UBAC1: variants seen among roughly 807,000 people sequenced by gnomAD.
UBAC1 encodes the protein ubiquitin-associated domain-containing protein 1.
A neutral mutation model predicts 45.9 loss-of-function variants in UBAC1; 27 were observed. The ratio of observed to expected loss-of-function variants is 0.59; its 90% confidence interval spans 0.43 to 0.81. The LOEUF (loss-of-function observed/expected upper bound fraction) is 0.81. Ranked by LOEUF, UBAC1 falls within the 30% of genes least tolerant of loss-of-function variation. The probability of loss-of-function intolerance (pLI) is 0.00; values close to 1 mark genes in which losing one functional copy is unlikely to be tolerated. For synonymous variants in UBAC1, 227 were observed against 215.5 expected (o/e 1.05, Z -0.47); for missense variants, 529 against 539.2 (o/e 0.98, Z 0.19).
chr9:135,934,734 C>T (rs1839184108), intron 9 of UBAC1, among the ~76,000 whole-genome samples: 1 of 152,206 alleles, frequency 6.6e-6, no homozygotes, highest in African/African-American at 2.4e-5. Flanking sequence ...CTGTTTCACA[C>T]ACAGGGCGGG....
intron 7 of UBAC1, among the ~76,000 whole-genome samples, chr9:135,942,585 A>G (rs1366467157): frequency 1.1e-4 from 17 of 151,798 alleles, no homozygotes. Flanking sequence ...CCAGGAGGTC[A>G]AGGCTGCAGT....
chr9:135,943,211 G>A (rs547309518), intron 7 of UBAC1, among the ~76,000 whole-genome samples: 1 of 152,306 alleles, frequency 6.6e-6, no homozygotes, highest in South Asian at 2.1e-4. Flanking sequence ...CTTGAGGTCA[G>A]GAGTTTGAGA....
intron 3 of UBAC1, among the ~76,000 whole-genome samples, chr9:135,949,143 G>C (rs10735241): frequency 0.96 from 146,014 of 152,056 alleles, 70,378 homozygotes; most frequent in East Asian, 1. Context: ...AGCCAGGACA[G>C]ACGGCCCACG....
At position 135,935,417 on chromosome 9, in the gene UBAC1, G is replaced by C. The variant is rs180703097; in HGVS notation, c.1103-1902C>G. 4.5e-3 allele frequency among the ~76,000 whole-genome samples: 685 copies of C among 152,266 alleles called. 5 individuals carry two copies. The highest frequency in any genetic ancestry group is 6.6e-3 in the Non-Finnish European group (451 of 68,018). ...TCCCAGCACTCTAGAAGGCAGAGGT[G>C]GGGGGAGCGCTTGAAGCCAGGAGTT... On this transcript the variant is annotated intron_variant, in intron 9 of 9. Transcript: ENST00000371756.
At chr9:135,940,964 C>T (rs1371246541) in intron 7 of UBAC1, among the ~76,000 whole-genome samples, 1 of 152,216 alleles carries the variant, frequency 6.6e-6, no homozygotes, top group Non-Finnish European at 1.5e-5. Context: ...TGACTTCATG[C>T]AGCACTGCAC....
intron 7 of UBAC1, among the ~76,000 whole-genome samples, chr9:135,944,581 G>A (rs71508828): frequency 1.3e-5 from 2 of 152,206 alleles, no homozygotes; most frequent in Non-Finnish European, 2.9e-5. Flanking sequence ...CTGTGCCATG[G>A]AGGCGGCTGG....
At chr9:135,945,314 C>A in intron 6 of UBAC1, 64 bp from the exon 7 acceptor site, 1 of 1,389,932 alleles carries the variant, frequency 7.2e-7, no homozygotes. Context: ...CGCCTCCTGT[C>A]CATTCCCAAG....
intron 8 of UBAC1, among the ~76,000 whole-genome samples, chr9:135,939,357 G>A (rs999849616): frequency 3.9e-5 from 6 of 152,036 alleles, no homozygotes; most frequent in Admixed American, 2.0e-4. Flanking sequence ...CCACATAGCC[G>A]GCTGCATGTG....
chr9:135,942,176 G>A (rs915028425), intron 7 of UBAC1: 7 of 152,226 alleles, frequency 4.6e-5, no homozygotes, highest in Admixed American at 3.3e-4. Context: ...AAGAGACCGT[G>A]CAGGACCACA....
intron 8 of UBAC1, 87 bp downstream of exon 8, chr9:135,939,586 C>T: frequency 1.5e-6 from 2 of 1,348,432 alleles, no homozygotes; most frequent in South Asian, 1.3e-5. Flanking sequence ...TCACCACAGC[C>T]CACACTCACT....
chr9:135,939,855 G>A (rs78737831), intron 7 of UBAC1, 96 bp from the exon 8 acceptor site: 100 of 1,028,160 alleles, frequency 9.7e-5, no homozygotes, highest in African/African-American at 4.3e-4. Context: ...GCACCCTAGC[G>A]GAGGGTGCTC....
chr9:135,945,969 A>C lies in UBAC1; in HGVS notation c.573T>G (p.Arg191=). ...NAMLDEDEDE[R]VDEAALRQLT... ...GCTGCCGCAGGGCAGCCTCGTCCAC[A>C]CGCTCATCCTCGTCCTCGTCCAGCA... Residue 191 remains arginine (R), a synonymous_variant, in exon 6 of 10, where the codon CGT becomes CGG. Transcript: ENST00000371756. 1 of 1,613,842 alleles carries C rather than the reference A, an allele frequency of 6.2e-7. No homozygotes were observed. Among genetic ancestry groups the C allele is most frequent in the Non-Finnish European group, 8.5e-7 (1 of 1,179,894 alleles).
At chr9:135,934,559 C>T (rs1379437479) in intron 9 of UBAC1, among the ~76,000 whole-genome samples, 1 of 152,184 alleles carries the variant, frequency 6.6e-6, no homozygotes, top group Non-Finnish European at 1.5e-5. Context: ...ACTCGGAAGG[C>T]TGAGGCAGGA....
chr9:135,940,205 A>G (rs1330313556), intron 7 of UBAC1, among the ~76,000 whole-genome samples: 1 of 152,150 alleles, frequency 6.6e-6, no homozygotes, highest in Non-Finnish European at 1.5e-5. Flanking sequence ...AGGCCACGTC[A>G]GTAAGTGCAA....
At chr9:135,946,393 T>G in intron 4 of UBAC1, 22 bp from the exon 5 acceptor site, 1 of 1,494,094 alleles carries the variant, frequency 6.7e-7, no homozygotes, top group African/African-American at 1.4e-5. Context: ...AAAAAGGAGA[T>G]CAATTCTCTA....
intron 8 of UBAC1, among the ~76,000 whole-genome samples, chr9:135,939,340 T>G (rs1049938808): frequency 6.6e-6 from 1 of 152,228 alleles, no homozygotes. Flanking sequence ...TTGTCTCACT[T>G]TAAAAGCCAC....
At chr9:135,947,150 T>C (rs983196949) in intron 4 of UBAC1, among the ~76,000 whole-genome samples, 21 of 152,216 alleles carry the variant, frequency 1.4e-4, no homozygotes, top group African/African-American at 4.8e-4. Flanking sequence ...GCACAGCACG[T>C]GCCTGCCCTG....
At chr9:135,954,151 AAAAAAG>A (rs1158084206) in intron 2 of UBAC1, among the ~76,000 whole-genome samples, 1 of 150,026 alleles carries the variant, frequency 6.7e-6, no homozygotes, top group Non-Finnish European at 1.5e-5. Context: ...AAAAAAAAAA[AAAAAAG>A]AAGAAGAGCA....
intron 1 of UBAC1, among the ~76,000 whole-genome samples, chr9:135,957,655 T>C (rs1839483128): frequency 6.6e-6 from 1 of 152,028 alleles, no homozygotes; most frequent in East Asian, 1.9e-4. Context: ...CGTTTCTGCT[T>C]GTACCTGATG....
Sources: allele counts gnomAD v4.1 joint callset (sites outside exome capture counted in the v4.1 genomes callset), GRCh38; gene constraint gnomAD v4.1.1; transcripts MANE v1.5; gene names NCBI Gene and HGNC (gene_info 2026-07-23, HGNC 2026-07-21).